The following NELL1 variants were observed in gnomAD, a reference collection of about 807,000 sequenced individuals.
The protein encoded by NELL1 is neural EGFL like 1.
In NELL1, 76 loss-of-function variants were observed where a neutral mutation model predicts 107.4. The ratio of observed to expected loss-of-function variants is 0.71; its 90% CI spans 0.59 to 0.86. NELL1 has a LOEUF of 0.86. NELL1 is among the 40% of genes least tolerant of loss of function. The pLI, the probability that NELL1 is intolerant of heterozygous loss-of-function variation, is 0.00. For missense variants in NELL1, 1,024 were observed against 1,005.5 expected (o/e 1.02, Z -0.25); for synonymous variants, 353 against 341.2 (o/e 1.03, Z -0.38).
intron 4 of NELL1, among the ~76,000 whole-genome samples, chr11:20,865,978 A>C (rs933939803): frequency 3.3e-5 from 5 of 151,720 alleles, no homozygotes; most frequent in Non-Finnish European, 5.9e-5. Context: ...GTATTTCTCA[A>C]CTCCCTTGAA....
chr11:20,806,327 A>T (rs926204231), intron 3 of NELL1, among the ~76,000 whole-genome samples: 15 of 150,746 alleles, frequency 1.0e-4, no homozygotes, highest in Admixed American at 1.3e-4. Context: ...AGAATAAAAG[A>T]TTTTTTCCTT....
intron 5 of NELL1, among the ~76,000 whole-genome samples, chr11:20,912,419 T>C (rs1465604): frequency 0.68 from 103,002 of 151,980 alleles, 36,930 homozygotes; most frequent in Non-Finnish European, 0.81. Context: ...GGATGGTTGA[T>C]TACCCACTCA....
intron 2 of NELL1, among the ~76,000 whole-genome samples, chr11:20,759,325 A>G (rs1211415521): frequency 1.3e-5 from 2 of 152,190 alleles, no homozygotes; most frequent in Non-Finnish European, 2.9e-5. Context: ...GGAGTCTCAG[A>G]CATTGAAAGG....
chr11:21,103,213 T>C (rs1381394460), intron 12 of NELL1, among the ~76,000 whole-genome samples: 1 of 152,220 alleles, frequency 6.6e-6, no homozygotes, highest in Non-Finnish European at 1.5e-5. Context: ...AATTTGATCC[T>C]GTAGTGAATC....
intron 3 of NELL1, among the ~76,000 whole-genome samples, chr11:20,821,541 A>G (rs75855735): frequency 9.5e-4 from 144 of 152,330 alleles, no homozygotes; most frequent in African/African-American, 3.4e-3. Flanking sequence ...AATTGATTGT[A>G]GGGTAATAAT....
chr11:21,486,229 C>A (rs1417346469), intron 15 of NELL1, among the ~76,000 whole-genome samples: 2 of 152,172 alleles, frequency 1.3e-5, no homozygotes, highest in Non-Finnish European at 2.9e-5. Context: ...AGCTCACAGA[C>A]AGGCATGCTC....
chr11:21,519,197 A>C (rs1056037718), intron 15 of NELL1, among the ~76,000 whole-genome samples: 2 of 152,190 alleles, frequency 1.3e-5, no homozygotes, highest in African/African-American at 4.8e-5. Context: ...CTTACTTCTC[A>C]TTAGCAAGAA....
chr11:21,197,900 A>G (rs1857188817), intron 13 of NELL1, among the ~76,000 whole-genome samples: 1 of 152,160 alleles, frequency 6.6e-6, no homozygotes, highest in African/African-American at 2.4e-5. Context: ...AGTTGCATCT[A>G]TTGCTATGTA....
intron 15 of NELL1, among the ~76,000 whole-genome samples, chr11:21,468,753 C>G (rs969069213): frequency 6.6e-6 from 1 of 151,962 alleles, no homozygotes; most frequent in East Asian, 1.9e-4. Flanking sequence ...GAGCCAGGAG[C>G]CATGATGCCT....
chr11:21,155,388 G>A (rs1007283965), intron 13 of NELL1, among the ~76,000 whole-genome samples: 7 of 152,134 alleles, frequency 4.6e-5, no homozygotes, highest in Non-Finnish European at 1.0e-4. Context: ...GAAGATAAGA[G>A]TGTCAATTAT....
At chr11:21,436,026 G>A (rs1241985585) in intron 15 of NELL1, among the ~76,000 whole-genome samples, 1 of 151,660 alleles carries the variant, frequency 6.6e-6, no homozygotes, top group Non-Finnish European at 1.5e-5. Context: ...ATGTGTTATT[G>A]GTAAGTTCAG....
chr11:21,445,651 C>T (rs1391804011), intron 15 of NELL1, among the ~76,000 whole-genome samples: 1 of 152,060 alleles, frequency 6.6e-6, no homozygotes, highest in East Asian at 1.9e-4. Context: ...GAGTTCTGTA[C>T]CTTTAGGTGA....
chr11:20,899,096 A>G (rs1038135758), intron 5 of NELL1, among the ~76,000 whole-genome samples: 22 of 152,176 alleles, frequency 1.4e-4, no homozygotes, highest in African/African-American at 5.3e-4. Context: ...TCAAGCTAGC[A>G]GAAAAGTTAG....
At chr11:21,513,273 A>C (rs996147787) in intron 15 of NELL1, among the ~76,000 whole-genome samples, 1 of 152,204 alleles carries the variant, frequency 6.6e-6, no homozygotes, top group Non-Finnish European at 1.5e-5. Flanking sequence ...AGTAAGGGGA[A>C]GAAAAGCCAA....
intron 15 of NELL1, among the ~76,000 whole-genome samples, chr11:21,441,330 CGTGTGTGTGTGTGTGTGTGTGT>C (rs201892977): frequency 3.6e-5 from 5 of 140,150 alleles, no homozygotes; most frequent in South Asian, 2.4e-4. Flanking sequence ...GAGGCTGTGA[CGTGTGTGTGTGTGTGTGTGTGT>C]GTGTGTGTGT....
At chr11:20,722,004 C>A (rs1483267524) in intron 2 of NELL1, among the ~76,000 whole-genome samples, 1 of 144,440 alleles carries the variant, frequency 6.9e-6, no homozygotes, top group Non-Finnish European at 1.5e-5. Context: ...TGTTACTTGA[C>A]CTTTCTGAGT....
intron 15 of NELL1, among the ~76,000 whole-genome samples, chr11:21,522,241 A>T (rs1855744094): frequency 6.6e-6 from 1 of 152,006 alleles, no homozygotes; most frequent in South Asian, 2.1e-4. Context: ...CTCAAAAAAA[A>T]AAAAAACAAA....
rs575208648 is a variant in NELL1 at position 20,938,427 on chromosome 11, G to T, written c.1071+568G>T. ...CAAAGTCACTGTCTTTATAGAACTT[G>T]CAGTCTAGTGAGGGAGAGAGACAGT... is the stretch of plus-strand genomic sequence containing the variant. On this transcript the variant is annotated intron_variant, in intron 10 of 19. Transcript: ENST00000357134. 3.3e-5 allele frequency among the ~76,000 whole-genome samples: 5 copies of T among 152,286 alleles called. No individual in the cohort carries two copies. In the East Asian group the frequency reaches 9.7e-4, roughly 29 times the overall value.
chr11:21,416,919 T>C (rs1001674487), intron 15 of NELL1, among the ~76,000 whole-genome samples: 1 of 152,120 alleles, frequency 6.6e-6, no homozygotes, highest in Non-Finnish European at 1.5e-5. Flanking sequence ...AAGTTCATGA[T>C]GATGATTAAC....
Sources: allele counts gnomAD v4.1 joint callset (sites outside exome capture counted in the v4.1 genomes callset), GRCh38; gene constraint gnomAD v4.1.1; transcripts MANE v1.5; gene names NCBI Gene and HGNC (gene_info 2026-07-23, HGNC 2026-07-21).